The following KATNBL1 variants were observed in gnomAD, a reference collection of about 807,000 sequenced individuals.
KATNBL1 encodes the protein katanin regulatory subunit B1 like 1.
In KATNBL1, 28 loss-of-function variants were observed where a neutral mutation model predicts 44.7. The ratio of observed to expected loss-of-function variants is 0.63; its 90% confidence interval spans 0.46 to 0.86. The LOEUF is 0.86. KATNBL1 is among the 40% of genes least tolerant of loss of function. The pLI is 0.00. For missense variants in KATNBL1, 272 were observed against 350.7 expected, an observed-to-expected ratio of 0.78 and a Z score of 1.79; for synonymous variants, 78 against 114.9, an observed-to-expected ratio of 0.68 and a Z score of 2.06.
In KATNBL1 at chr15:34,154,886, CTG is replaced by C. The variant is rs1888592597; in HGVS notation, c.118-204_118-203del. Reference sequence around the variant, plus strand: ...TCCCTAATGCAGCTAGTCCCTACTACTGTGTCATTCCCCTATTGGCTAGGGTT... The same window carrying C: ...TCCCTAATGCAGCTAGTCCCTACTACTGTCATTCCCCTATTGGCTAGGGTT... On this transcript the variant is annotated intron_variant, in intron 2 of 9. Coordinates refer to ENST00000256544, the MANE Select transcript of KATNBL1 (RefSeq NM_024713.3). 5.4e-6 allele frequency: 3 copies of C among 558,350 alleles called. No homozygotes were observed. In the African/African-American group the frequency reaches 5.7e-5, roughly 11 times the overall value. 34.6% of individuals were successfully genotyped at this position (558,350 alleles called of 1,614,324 possible).
intron 2 of KATNBL1, among the ~76,000 whole-genome samples, chr15:34,160,460 A>G (rs1349740028): frequency 6.6e-6 from 1 of 152,136 alleles, no homozygotes; most frequent in African/African-American, 2.4e-5. Context: ...AAGCTTTAAC[A>G]TCCTTCATCT....
At chr15:34,181,580 ATACATATATATACACATATATATG>A (rs1381182183) in intron 1 of KATNBL1, among the ~76,000 whole-genome samples, 7 of 113,316 alleles carry the variant, frequency 6.2e-5, no homozygotes. Flanking sequence ...ATCCATATAT[ATACATATATATACACATATATATG>A]TCCATATATA....
intron 2 of KATNBL1, among the ~76,000 whole-genome samples, chr15:34,162,755 G>A (rs901147412): frequency 1.3e-5 from 2 of 151,750 alleles, no homozygotes; most frequent in African/African-American, 4.8e-5. Flanking sequence ...GACCACAGGT[G>A]CATGCCACCA....
At chr15:34,171,619 A>T (rs191439670) in intron 1 of KATNBL1, among the ~76,000 whole-genome samples, 2 of 152,338 alleles carry the variant, frequency 1.3e-5, no homozygotes, top group South Asian at 4.1e-4. Context: ...TCATGCTACT[A>T]TAAAGACACA....
At chr15:34,182,485 T>C (rs1889596670) in intron 1 of KATNBL1, among the ~76,000 whole-genome samples, 1 of 152,144 alleles carries the variant, frequency 6.6e-6, no homozygotes, top group South Asian at 2.1e-4. Flanking sequence ...GAATTTATCA[T>C]CCAAACTAGG....
chr15:34,204,840 A>C (rs1002872970), intron 1 of KATNBL1, among the ~76,000 whole-genome samples: 3 of 152,256 alleles, frequency 2.0e-5, no homozygotes, highest in Non-Finnish European at 4.4e-5. Context: ...AAAATGCAGA[A>C]GTCCCTGAAT....
chr15:34,147,686 G>A (rs1282183476), intron 5 of KATNBL1, among the ~76,000 whole-genome samples: 1 of 152,070 alleles, frequency 6.6e-6, no homozygotes, highest in East Asian at 1.9e-4. Flanking sequence ...TATAGAGCAG[G>A]TTGATATAAG....
chr15:34,142,932 G>T (rs552425745), intron 9 of KATNBL1: 7 of 450,054 alleles, frequency 1.6e-5, no homozygotes, highest in Admixed American at 3.2e-5. Flanking sequence ...GGATGGTCTC[G>T]ATCTCCTGAG....
chr15:34,176,515 T>C (rs768304155), intron 1 of KATNBL1, among the ~76,000 whole-genome samples: 1 of 152,148 alleles, frequency 6.6e-6, no homozygotes, highest in African/African-American at 2.4e-5. Flanking sequence ...TTTATAGAGA[T>C]AGAAAGCAGA....
chr15:34,182,920 T>C (rs1889609333), intron 1 of KATNBL1, among the ~76,000 whole-genome samples: 1 of 152,146 alleles, frequency 6.6e-6, no homozygotes, highest in South Asian at 2.1e-4. Context: ...GTGGTGGTAA[T>C]TACACAACTG....
intron 1 of KATNBL1, among the ~76,000 whole-genome samples, chr15:34,175,009 G>C (rs1889282606): frequency 6.6e-6 from 1 of 152,046 alleles, no homozygotes; most frequent in African/African-American, 2.4e-5. Flanking sequence ...CACTGTGGTA[G>C]GCTGACGAGG....
chr15:34,160,491 G>T (rs1391340835), intron 2 of KATNBL1, among the ~76,000 whole-genome samples: 1 of 152,060 alleles, frequency 6.6e-6, no homozygotes, highest in Non-Finnish European at 1.5e-5. Context: ...TCTAATTCTA[G>T]ACCTGCATAT....
At chr15:34,154,804 A>G (rs1567519741) in intron 2 of KATNBL1, 120 bp from the exon 3 acceptor site, 3 of 708,450 alleles carry the variant, frequency 4.2e-6, no homozygotes, top group Non-Finnish European at 7.6e-6. Context: ...AAGGGTGCCA[A>G]TCGTGCCTGG....
At chr15:34,171,637 G>A (rs928360066) in intron 1 of KATNBL1, among the ~76,000 whole-genome samples, 6 of 152,128 alleles carry the variant, frequency 3.9e-5, no homozygotes, top group African/African-American at 1.2e-4. Context: ...ACATGAACAT[G>A]TATGTTTATT....
intron 1 of KATNBL1, 80 bp from the exon 2 acceptor site, chr15:34,163,770 G>A: frequency 2.7e-6 from 2 of 732,412 alleles, no homozygotes; most frequent in South Asian, 4.4e-5. Flanking sequence ...ACATACAACA[G>A]TAGCACAATG....
At position 34,205,226 on chromosome 15, in the gene KATNBL1, T is replaced by C. The variant is rs146790626; in HGVS notation, c.-15+4725A>G. 9.0e-3 allele frequency among the ~76,000 whole-genome samples: 1,375 copies of C among 152,232 alleles called. 20 individuals carry two copies. Among genetic ancestry groups the C allele is most frequent in the African/African-American group, 0.031 (1,307 of 41,528 alleles). ...CCAGGATGGTCTCGATCTCTCGACCTTGTGAACCGCCCACGTAGGCCTCCC... is the reference window on the plus strand; with the variant it reads ...CCAGGATGGTCTCGATCTCTCGACCCTGTGAACCGCCCACGTAGGCCTCCC... On this transcript the variant is annotated intron_variant, in intron 1 of 9. Transcript: ENST00000256544.
chr15:34,147,226 C>A lies in KATNBL1; in HGVS notation c.672G>T (p.Lys224Asn). Residue 224 changes from lysine (K) to asparagine (N), a missense_variant, in exon 7 of 10, where the codon AAG (lysine) becomes AAT (asparagine). By Grantham distance (94) the Lys-to-Asn change is moderately conservative. Around this residue, in one of 3 missense-constraint regions of KATNBL1, gnomAD observed 111 missense variants for 149.3 expected, o/e 0.74. Coordinates refer to ENST00000256544, the MANE Select transcript of KATNBL1 (RefSeq NM_024713.3). ...CTTCAAATTTGCTTTTAAGTAGTGA[C>A]TTTACTAGAGGCAACAAGTCAACAC... ...GCCVDLLPLVKSLLKSKFEEY... is the reference protein window; with the variant it reads ...GCCVDLLPLVNSLLKSKFEEY... 6.2e-7 allele frequency: 1 copy of A among 1,611,292 alleles called. No homozygotes were observed. Among genetic ancestry groups the A allele is most frequent in the Non-Finnish European group, 8.5e-7 (1 of 1,178,506 alleles).
chr15:34,183,418 T>G (rs1384999784), intron 1 of KATNBL1, among the ~76,000 whole-genome samples: 4 of 152,154 alleles, frequency 2.6e-5, no homozygotes, highest in East Asian at 3.9e-4. Flanking sequence ...GGTAAAAAAT[T>G]AAAGACTCAT....
At chr15:34,169,182 T>TA (rs1213469354) in intron 1 of KATNBL1, among the ~76,000 whole-genome samples, 1 of 152,226 alleles carries the variant, frequency 6.6e-6, no homozygotes, top group South Asian at 2.1e-4. Context: ...GCAAAATTGA[T>TA]AGACTGCTAG....
Sources: allele counts gnomAD v4.1 joint callset (sites outside exome capture counted in the v4.1 genomes callset), GRCh38; gene constraint gnomAD v4.1.1; regional missense constraint gnomAD v4.1.1; transcripts MANE v1.5; gene names NCBI Gene and HGNC (gene_info 2026-07-23, HGNC 2026-07-21).